Variants in STK3 observed in about 807,000 individuals in gnomAD.
STK3 encodes serine/threonine-protein kinase 3.
STK3 carries 41 observed loss-of-function variants against 58.0 expected under a neutral mutation model. The ratio of observed to expected loss-of-function variants is 0.71; its 90% CI spans 0.55 to 0.92. The LOEUF (loss-of-function observed/expected upper bound fraction) is 0.92, where lower values mean the gene tolerates loss of function less well. Among genes scored for constraint, STK3 ranks in the 40% least tolerant of loss-of-function variants. STK3 has a pLI of 0.00. For missense variants in STK3, 479 were observed against 602.7 expected (o/e 0.79, Z 2.15); for synonymous variants, 170 against 191.0 (o/e 0.89, Z 0.91).
chr8:98,789,842 C>A (rs902863824), intron 1 of STK3, among the ~76,000 whole-genome samples: 3 of 152,076 alleles, frequency 2.0e-5, no homozygotes, highest in Non-Finnish European at 2.9e-5. Flanking sequence ...GCCTGCCCAA[C>A]ATGGTGAAAC....
chr8:98,601,506 T>C (rs1216665772), intron 6 of STK3: 1 of 152,222 alleles, frequency 6.6e-6, no homozygotes, highest in Non-Finnish European at 1.5e-5. Context: ...TCAACTGACT[T>C]TTGTAAGCAC....
At chr8:98,570,016 A>G (rs917653657) in intron 8 of STK3, among the ~76,000 whole-genome samples, 3 of 148,768 alleles carry the variant, frequency 2.0e-5, no homozygotes, top group Middle Eastern at 3.6e-3. Context: ...AGTAAAGAAC[A>G]AATACATATT....
Position 98,749,331 on chromosome 8 carries a change from A to G in STK3, c.296T>C (p.Met99Thr). ...GACAGAGCCAGCGCCACAGTACTCC[A>G]TAACAATCCAGAGGTCTGTATTCTT... ...YFKNTDLWIV[M>T]EYCGAGSVSD... Residue 99 changes from methionine to threonine, a missense_variant, in exon 4 of 11, where the codon ATG (methionine) becomes ACG (threonine). Physicochemically the swap from Met to Thr is moderately conservative, Grantham distance 81. Around this residue, in one of 3 missense-constraint regions of STK3, gnomAD observed 126 missense variants for 210.1 expected, o/e 0.60. Transcript: ENST00000419617. 2 of 1,609,832 alleles carry G rather than the reference A, an allele frequency of 1.2e-6. No individual in the cohort carries two copies. The highest frequency in any genetic ancestry group is 1.7e-5 in the Admixed American group (1 of 59,856).
chr8:98,848,645 T>C (rs1836310106), intron 3 of STK3, among the ~76,000 whole-genome samples: 2 of 152,238 alleles, frequency 1.3e-5, no homozygotes, highest in Admixed American at 1.3e-4. Flanking sequence ...TAGCATAACA[T>C]TGTCAAGGTT....
chr8:98,386,182 A>G (rs1292878165), intron 1 of STK3, among the ~76,000 whole-genome samples: 1 of 152,228 alleles, frequency 6.6e-6, no homozygotes, highest in Non-Finnish European at 1.5e-5. Flanking sequence ...AATGATATAT[A>G]TATTTGCCAT....
At chr8:98,738,000 G>A (rs901315120) in intron 4 of STK3, among the ~76,000 whole-genome samples, 12 of 152,176 alleles carry the variant, frequency 7.9e-5, no homozygotes, top group African/African-American at 2.2e-4. Context: ...GTGAGCCACC[G>A]CACCCGGCCG....
intron 1 of STK3, among the ~76,000 whole-genome samples, chr8:98,816,942 C>T (rs1432029852): frequency 6.6e-6 from 1 of 152,170 alleles, no homozygotes; most frequent in East Asian, 1.9e-4. Context: ...GGAAAGGCCA[C>T]TGTGATCTAT....
chr8:98,466,703 C>T (rs1385854813), intron 10 of STK3, among the ~76,000 whole-genome samples: 2 of 152,184 alleles, frequency 1.3e-5, no homozygotes, highest in African/African-American at 2.4e-5. Flanking sequence ...GGTTTGTGCA[C>T]AGAAAGCGTG....
chr8:98,805,628 T>C (rs1182113373), intron 1 of STK3, among the ~76,000 whole-genome samples: 1 of 152,188 alleles, frequency 6.6e-6, no homozygotes, highest in East Asian at 1.9e-4. Context: ...AAGCAGATAG[T>C]GTGCAGTCAC....
chr8:98,649,225 T>C (rs1391239768), intron 6 of STK3, among the ~76,000 whole-genome samples: 1 of 152,210 alleles, frequency 6.6e-6, no homozygotes, highest in Non-Finnish European at 1.5e-5. Context: ...TGTAGTTTTT[T>C]TTAATATCGT....
chr8:98,693,227 C>G (rs1015273754), intron 6 of STK3, among the ~76,000 whole-genome samples: 2 of 152,008 alleles, frequency 1.3e-5, no homozygotes, highest in African/African-American at 4.8e-5. Flanking sequence ...TGAACCCCAT[C>G]TCCACAAAAA....
At chr8:98,444,696 G>A (rs184706304) in intron 1 of STK3, among the ~76,000 whole-genome samples, 1 of 152,176 alleles carries the variant, frequency 6.6e-6, no homozygotes, top group Non-Finnish European at 1.5e-5. Flanking sequence ...GGGGAATGGC[G>A]TTTGGTCATG....
intron 1 of STK3, among the ~76,000 whole-genome samples, chr8:98,448,283 G>C (rs996540810): frequency 6.6e-6 from 1 of 152,094 alleles, no homozygotes; most frequent in Non-Finnish European, 1.5e-5. Flanking sequence ...ATACTTTATG[G>C]AAGGACAACA....
At chr8:98,475,670 A>G (rs565383701) in intron 10 of STK3, among the ~76,000 whole-genome samples, 1 of 152,346 alleles carries the variant, frequency 6.6e-6, no homozygotes, top group South Asian at 2.1e-4. Context: ...TTAAAGCATC[A>G]TCTGATATCT....
chr8:98,798,068 T>C (rs759147841), intron 1 of STK3, among the ~76,000 whole-genome samples: 18 of 152,220 alleles, frequency 1.2e-4, no homozygotes, highest in Non-Finnish European at 2.6e-4. Context: ...TTCACCTTCA[T>C]GGCTAAGCTC....
the STK3 span, among the ~76,000 whole-genome samples, chr8:98,347,757 C>T: frequency 6.6e-6 from 1 of 152,176 alleles, no homozygotes; most frequent in South Asian, 2.1e-4. Flanking sequence ...AGGAAACATA[C>T]ATTAAATGTT....
chr8:98,625,369 G>C (rs184253180), intron 6 of STK3, among the ~76,000 whole-genome samples: 1 of 152,164 alleles, frequency 6.6e-6, no homozygotes, highest in East Asian at 1.9e-4. Context: ...CTGGAAAGAA[G>C]GCACATTTTC....
chr8:98,370,527 T>C (rs1021090434), downstream of STK3, among the ~76,000 whole-genome samples: 1 of 152,078 alleles, frequency 6.6e-6, no homozygotes, highest in East Asian at 1.9e-4. Context: ...GGTAGCTCCA[T>C]AGGTAAGGAC....
chr8:98,690,505 C>T (rs1824323239), intron 6 of STK3, among the ~76,000 whole-genome samples: 1 of 149,676 alleles, frequency 6.7e-6, no homozygotes, highest in African/African-American at 2.4e-5. Flanking sequence ...TGAAGGATCT[C>T]CACAAGGAGA....
Sources: gnomAD v4.1 joint callset for allele counts (sites outside exome capture counted in the v4.1 genomes callset) on GRCh38, gnomAD v4.1.1 for gene constraint, gnomAD v4.1.1 regional missense constraint, MANE v1.5 for transcripts, NCBI Gene and HGNC (gene_info 2026-07-23, HGNC 2026-07-21) for gene names.